ACAN: variants seen among roughly 807,000 people sequenced by gnomAD.
ACAN encodes the protein aggrecan core protein.
ACAN carries 47 observed loss-of-function variants against 169.1 expected under a neutral mutation model. That is an observed-to-expected ratio of 0.28 (90% CI 0.22 to 0.35). ACAN has a LOEUF of 0.35. Among genes scored for constraint, ACAN ranks in the 10% least tolerant of loss-of-function variants. The pLI is 1.00. For missense variants in ACAN, 2,716 were observed against 2,759.9 expected, an observed-to-expected ratio of 0.98 and a Z score of 0.36; for synonymous variants, 1,115 against 1,112.2, an observed-to-expected ratio of 1.00 and a Z score of -0.05.
chr15:88,873,935 G>A lies in ACAN; in HGVS notation c.7541G>A (p.Cys2514Tyr). 1 of 1,613,706 alleles carries A rather than the reference G, an allele frequency of 6.2e-7. No individual in the cohort carries two copies. Among genetic ancestry groups the A allele is most frequent in the Admixed American group, 1.7e-5 (1 of 60,030 alleles). Residue 2514 changes from cysteine to tyrosine, a missense_variant, in exon 18 of 19, where the codon TGC (cysteine) becomes TAC (tyrosine). Transcript: ENST00000560601. This position sits in a 1 kb window ranked among gnomAD's most constrained non-coding sequence, Gnocchi z 7.5. ...YEINSLVRYQ[C>Y]TEGFVQRHMP... The stretch of plus-strand genomic sequence containing the variant: ...ATCAATTCCCTGGTGCGGTACCAGT[G>A]CACAGAGGGGTTTGTCCAGCGCCAC...
In ACAN at chr15:88,807,388, G is replaced by GT. The variant is rs990598692; in HGVS notation, c.-8+3580dup. 1.1e-4 allele frequency among the ~76,000 whole-genome samples: 17 copies of GT among 152,320 alleles called. No individual in the cohort carries two copies. Among genetic ancestry groups the GT allele is most frequent in the African/African-American group, 3.6e-4 (15 of 41,574 alleles). On this transcript the variant is annotated intron_variant, in intron 1 of 18. Transcript: ENST00000560601. The surrounding 1 kb of genome is among the most constrained non-coding windows in gnomAD (Gnocchi z 4.0). ...CGTGGCCATGCTTCGTGTCCTGATG[G>GT]TAGCCGCACTGCCGCCCTGATAACT...
chr15:88,811,963 C>T (rs183649158), intron 1 of ACAN, among the ~76,000 whole-genome samples: 8 of 152,268 alleles, frequency 5.3e-5, no homozygotes, highest in East Asian at 1.9e-4. Context: ...GTTTCCTAAA[C>T]GCAACCCAAG....
chr15:88,825,961 C>G (rs1414070416), intron 1 of ACAN, among the ~76,000 whole-genome samples: 1 of 152,196 alleles, frequency 6.6e-6, no homozygotes, highest in Non-Finnish European at 1.5e-5. Context: ...GTGGCAGAAA[C>G]AGCTCCGTGG....
intron 7 of ACAN, among the ~76,000 whole-genome samples, chr15:88,846,523 T>A (rs1422217309): frequency 6.6e-6 from 1 of 152,234 alleles, no homozygotes; most frequent in Non-Finnish European, 1.5e-5. Flanking sequence ...TGTCTATGAC[T>A]AACTGAGGAC....
chr15:88,812,043 A>T (rs774276485), intron 1 of ACAN, among the ~76,000 whole-genome samples: 2 of 152,094 alleles, frequency 1.3e-5, no homozygotes, highest in Non-Finnish European at 2.9e-5. Context: ...GATTGCTTAG[A>T]TTGCCTCCAC....
chr15:88,848,125 T>C lies in ACAN; in HGVS notation c.1732+87T>C, dbSNP rs570523271. The stretch of plus-strand genomic sequence containing the variant: ...AGGGCGATACAAAGAAGAGAGGGGG[T>C]TACCACCCACCCACCCCTGATTCCA... On this transcript the variant is annotated intron_variant, in intron 9 of 18. Transcript: ENST00000560601. 6 of 1,531,038 alleles carry C rather than the reference T, an allele frequency of 3.9e-6. No individual in the cohort carries two copies. In the African/African-American group the frequency reaches 5.5e-5, roughly 14 times the overall value. 94.8% of individuals were successfully genotyped at this position (1,531,038 alleles called of 1,614,324 possible).
chr15:88,872,439 G>A lies in ACAN; in HGVS notation c.7302+354G>A, dbSNP rs983053218. On this transcript the variant is annotated intron_variant, in intron 16 of 18. Coordinates refer to ENST00000560601, the MANE Select transcript of ACAN (RefSeq NM_001369268.1). The surrounding 1 kb of genome is among the most constrained non-coding windows in gnomAD (Gnocchi z 5.4). ...CATAGATGCCAAGTGAATGGTACGG[G>A]CACCCAGTGATTCTCTTTGTCCTGA... 5.3e-5 allele frequency among the ~76,000 whole-genome samples: 8 copies of A among 152,096 alleles called. No homozygotes were observed. The highest frequency in any genetic ancestry group is 1.9e-4 in the African/African-American group (8 of 41,408).
At chr15:88,823,501 G>A (rs1896129940) in intron 1 of ACAN, among the ~76,000 whole-genome samples, 1 of 151,980 alleles carries the variant, frequency 6.6e-6, no homozygotes, top group East Asian at 1.9e-4. Flanking sequence ...CATGCCCAGT[G>A]CTTCTCCACT....
Position 88,814,784 on chromosome 15 carries a change from T to C in ACAN, c.-8+10975T>C, listed in dbSNP as rs537301766. ...ACTCCTCTTCAGGTGTCATAGCTGCTAGCCAGCATGTCCATGCTATCAGGA... is the reference window on the plus strand; with the variant it reads ...ACTCCTCTTCAGGTGTCATAGCTGCCAGCCAGCATGTCCATGCTATCAGGA... On this transcript the variant is annotated intron_variant, in intron 1 of 18. Transcript: ENST00000560601. The surrounding 1 kb of genome is among the most constrained non-coding windows in gnomAD (Gnocchi z 4.0). Among the ~76,000 whole-genome samples the C allele has an allele frequency of 6.6e-6, 1 of 152,328 alleles. No individual in the cohort carries two copies. Among genetic ancestry groups the C allele is most frequent in the Admixed American group, 6.5e-5 (1 of 15,306 alleles).
chr15:88,836,744 C>T lies in ACAN; in HGVS notation c.70+468C>T, dbSNP rs144156945. On this transcript the variant is annotated intron_variant, in intron 2 of 18. Transcript: ENST00000560601. ...ACAGGTCTTTGCCTTTTCTGCAAAC[C>T]ATCCTCGGGAAGCCCCAGCCTGGTC... Among the ~76,000 whole-genome samples the T allele has an allele frequency of 1.4e-3, 212 of 152,366 alleles. 1 individual carries two copies. Among genetic ancestry groups the T allele is most frequent in the African/African-American group, 4.4e-3 (182 of 41,588 alleles).
chr15:88,809,318 A>G (rs1043902205), intron 1 of ACAN, among the ~76,000 whole-genome samples: 1 of 152,012 alleles, frequency 6.6e-6, no homozygotes, highest in African/African-American at 2.4e-5. Flanking sequence ...TTGGAGTCAC[A>G]TGGACTGGGC....
intron 1 of ACAN, among the ~76,000 whole-genome samples, chr15:88,824,273 A>G (rs976896935): frequency 2.0e-5 from 3 of 151,994 alleles, no homozygotes. Context: ...GCAGTAAGCC[A>G]AGATTGCGCC....
At chr15:88,824,303 G>C (rs1896153975) in intron 1 of ACAN, among the ~76,000 whole-genome samples, 1 of 150,056 alleles carries the variant, frequency 6.7e-6, no homozygotes, top group Non-Finnish European at 1.5e-5. Context: ...CCGGGTGACA[G>C]AGCGAGACTC....
chr15:88,852,984 TG>T (rs369216483), intron 11 of ACAN, among the ~76,000 whole-genome samples: 34 of 152,346 alleles, frequency 2.2e-4, no homozygotes, highest in African/African-American at 7.9e-4. Flanking sequence ...GGTGCTCTTC[TG>T]GGCATTGGAG....
rs1897065904 is a variant in ACAN, at chr15:88,857,011, G to A, written c.4426G>A (p.Val1476Ile). 3 of 1,613,376 alleles carry A rather than the reference G, an allele frequency of 1.9e-6. No individual in the cohort carries two copies. Among genetic ancestry groups the A allele is most frequent in the Non-Finnish European group, 1.7e-6 (2 of 1,179,486 alleles). The change falls in exon 12 of 19, where the codon GTT becomes ATT. Residue 1476 changes from valine to isoleucine, a missense_variant. Val to Ile is a conservative substitution (Grantham distance 29). This residue lies in a region of ACAN where 1,389 missense variants were observed against 1,363.7 expected (regional missense o/e 1.02). Coordinates refer to ENST00000560601, the MANE Select transcript of ACAN (RefSeq NM_001369268.1). The stretch of plus-strand genomic sequence containing the variant: ...CAGTGGACTTCCTTCTGGAGGAGAA[G>A]TTCTAGAGATTTCTGTCTCTGGAGT... ...DLSGLPSGGE[V>I]LEISVSGVED...
At chr15:88,806,770 C>T (rs978834807) in intron 1 of ACAN, among the ~76,000 whole-genome samples, 7 of 152,190 alleles carry the variant, frequency 4.6e-5, no homozygotes, top group Admixed American at 3.3e-4. Context: ...TAGAGTCCCA[C>T]TTTGAGTCTG....
In ACAN at chr15:88,869,626, G is replaced by A. The variant is rs1307123732; in HGVS notation, c.7060+1297G>A. Among the ~76,000 whole-genome samples the A allele has an allele frequency of 6.6e-6, 1 of 152,174 alleles. No homozygotes were observed. Among genetic ancestry groups the A allele is most frequent in the East Asian group, 1.9e-4 (1 of 5,192 alleles). On this transcript the variant is annotated intron_variant, in intron 14 of 18. Coordinates refer to ENST00000560601, the MANE Select transcript of ACAN (RefSeq NM_001369268.1). The surrounding 1 kb of genome is among the most constrained non-coding windows in gnomAD (Gnocchi z 4.2). ...ACTTCCATGCCGACAACAGCTATTT[G>A]GTTCCAGACTGGAAAAGTGGGCTCT...
At chr15:88,831,318 A>G (rs1192523902) in intron 1 of ACAN, among the ~76,000 whole-genome samples, 1 of 152,212 alleles carries the variant, frequency 6.6e-6, no homozygotes, top group East Asian at 1.9e-4. Context: ...GCTATCATTA[A>G]TCAATACAGC....
Position 88,849,624 on chromosome 15 carries a change from G to A in ACAN, c.1919G>A (p.Arg640Lys), listed in dbSNP as rs1213712769. ...CTCCGCTACCCCATCGTCACCCCAA[G>A]GCCTGCCTGCGGTGGGGACAAGCCA... is the stretch of plus-strand genomic sequence containing the variant. ...GSLRYPIVTP[R>K]PACGGDKPGV... Residue 640 changes from arginine to lysine, a missense_variant, in exon 10 of 19, where the codon AGG (arginine) becomes AAG (lysine). Coordinates refer to ENST00000560601, the MANE Select transcript of ACAN (RefSeq NM_001369268.1). This position sits in a 1 kb window ranked among gnomAD's most constrained non-coding sequence, Gnocchi z 5.1. The A allele has an allele frequency of 6.2e-7, 1 of 1,612,538 alleles. No homozygotes were observed. The highest frequency in any genetic ancestry group is 8.5e-7 in the Non-Finnish European group (1 of 1,179,526).
Sources: gnomAD v4.1 joint callset for allele counts (sites outside exome capture counted in the v4.1 genomes callset) on GRCh38, gnomAD v4.1.1 for gene constraint, gnomAD v4.1.1 regional missense constraint, Gnocchi (gnomAD v3.1) non-coding constraint, MANE v1.5 for transcripts, NCBI Gene and HGNC (gene_info 2026-07-23, HGNC 2026-07-21) for gene names.